The following TM9SF2 variants were observed in gnomAD, a reference collection of about 807,000 sequenced individuals.
The protein encoded by TM9SF2 is 76 kDa membrane protein.
TM9SF2 carries 13 observed loss-of-function variants against 84.9 expected under a neutral mutation model. The ratio of observed to expected loss-of-function variants is 0.15; its 90% CI spans 0.10 to 0.24. The LOEUF (loss-of-function observed/expected upper bound fraction) is 0.24, where lower values mean the gene tolerates loss of function less well. Among genes scored for constraint, TM9SF2 ranks in the 10% least tolerant of loss-of-function variants. The pLI is 1.00. For missense variants in TM9SF2, 562 were observed against 818.5 expected (o/e 0.69, Z 3.82); for synonymous variants, 273 against 285.8 (o/e 0.96, Z 0.45).
intron 12 of TM9SF2, among the ~76,000 whole-genome samples, chr13:99,550,145 T>C (rs2046299884): frequency 6.6e-6 from 1 of 152,200 alleles, no homozygotes; most frequent in African/African-American, 2.4e-5. Flanking sequence ...CTTCCATTGC[T>C]CCCTTCTCAC....
chr13:99,536,874 T>C, intron 5 of TM9SF2, 137 bp downstream of exon 5: 1 of 902,236 alleles, frequency 1.1e-6, no homozygotes, highest in South Asian at 1.9e-5. Context: ...TACTTCAATC[T>C]TAAACTTACA....
chr13:99,552,461 TAA>T, intron 13 of TM9SF2, 135 bp downstream of exon 13: 1 of 931,662 alleles, frequency 1.1e-6, no homozygotes, highest in Non-Finnish European at 1.6e-6. Context: ...AGAATATTTT[TAA>T]AATAGTAGTA....
chr13:99,545,331 A>T (rs984894545), intron 10 of TM9SF2, among the ~76,000 whole-genome samples: 2 of 152,018 alleles, frequency 1.3e-5, no homozygotes, highest in Non-Finnish European at 2.9e-5. Flanking sequence ...ACTGACTAGG[A>T]TATCTTTTTT....
At chr13:99,550,405 T>A (rs866323332) in intron 12 of TM9SF2, among the ~76,000 whole-genome samples, 1 of 152,226 alleles carries the variant, frequency 6.6e-6, no homozygotes, top group African/African-American at 2.4e-5. Context: ...AATGTTCCCA[T>A]TTTCAAATCC....
chr13:99,511,360 T>C (rs577587893), intron 1 of TM9SF2, among the ~76,000 whole-genome samples: 15 of 152,344 alleles, frequency 9.8e-5, no homozygotes, highest in Middle Eastern at 3.4e-3. Flanking sequence ...TGAAGCTCTT[T>C]ATTGAACTAT....
At chr13:99,502,700 T>C (rs1306179416) in intron 1 of TM9SF2, among the ~76,000 whole-genome samples, 2 of 152,238 alleles carry the variant, frequency 1.3e-5, no homozygotes, top group African/African-American at 4.8e-5. Context: ...GTTAAGTTTA[T>C]TTAAAACTTA....
In TM9SF2 at chr13:99,501,771, G is replaced by T. The variant is rs926049321; in HGVS notation, c.165G>T (p.Glu55Asp). 3 of 1,610,574 alleles carry T rather than the reference G, an allele frequency of 1.9e-6. No homozygotes were observed. Among genetic ancestry groups the T allele is most frequent in the Non-Finnish European group, 2.5e-6 (3 of 1,179,322 alleles). ...NFCDEEKKSDECKAEIELFVN... is the reference protein window; with the variant it reads ...NFCDEEKKSDDCKAEIELFVN... Reference sequence around the variant, plus strand: ...GCGACGAAGAAAAAAAGAGCGACGAGTGCAAGGTGGGTGAGGCCTGACGAG... The same window carrying T: ...GCGACGAAGAAAAAAAGAGCGACGATTGCAAGGTGGGTGAGGCCTGACGAG... The change falls in exon 1 of 17, where the codon GAG becomes GAT. Residue 55 changes from glutamate to aspartate, a missense_variant. Physicochemically the swap from Glu to Asp is conservative, Grantham distance 45 (BLOSUM62 2). This residue lies in a region of TM9SF2 where 267 missense variants were observed against 316.7 expected (regional missense o/e 0.84). Transcript: ENST00000376387.
At chr13:99,511,492 A>G (rs2046113682) in intron 1 of TM9SF2, among the ~76,000 whole-genome samples, 2 of 152,166 alleles carry the variant, frequency 1.3e-5, no homozygotes, top group Admixed American at 1.3e-4. Context: ...GCAAGAGTTG[A>G]TATTTAGAGT....
chr13:99,503,342 A>T (rs545515739), intron 1 of TM9SF2, among the ~76,000 whole-genome samples: 2 of 152,296 alleles, frequency 1.3e-5, no homozygotes, highest in African/African-American at 2.4e-5. Context: ...GTTACACAGG[A>T]TGATGTCCAA....
intron 15 of TM9SF2, among the ~76,000 whole-genome samples, chr13:99,556,870 G>A (rs996600875): frequency 1.3e-5 from 2 of 152,166 alleles, no homozygotes; most frequent in African/African-American, 4.8e-5. Context: ...ACAGACGTGA[G>A]CCACCGCGCC....
intron 4 of TM9SF2, among the ~76,000 whole-genome samples, 200 bp from the exon 5 acceptor site, chr13:99,536,408 C>A (rs1177353972): frequency 6.6e-6 from 1 of 150,886 alleles, no homozygotes; most frequent in Non-Finnish European, 1.5e-5. Context: ...GTAGTTTTTT[C>A]CATCACTGCA....
At chr13:99,541,497 A>G in intron 8 of TM9SF2, 62 bp from the exon 9 acceptor site, 1 of 1,239,978 alleles carries the variant, frequency 8.1e-7, no homozygotes, top group Non-Finnish European at 1.2e-6. Flanking sequence ...ACAGTTTTTA[A>G]AAGAGTTTTA....
intron 1 of TM9SF2, among the ~76,000 whole-genome samples, chr13:99,505,164 T>C (rs577525843): frequency 1.2e-3 from 183 of 151,854 alleles, no homozygotes; most frequent in Middle Eastern, 3.4e-3. Context: ...TTTTTTTTTT[T>C]TTTTTGAGAC....
chr13:99,559,222 A>G (rs2046335389), intron 15 of TM9SF2, 141 bp from the exon 16 acceptor site: 2 of 671,262 alleles, frequency 3.0e-6, no homozygotes, highest in South Asian at 6.1e-5. Flanking sequence ...GGTGAAGTTC[A>G]ATAGGAGAAA....
intron 3 of TM9SF2, among the ~76,000 whole-genome samples, chr13:99,526,662 G>A (rs574884300): frequency 6.6e-6 from 1 of 152,316 alleles, no homozygotes; most frequent in Admixed American, 6.5e-5. Context: ...CCAGAGGAGG[G>A]AGTGCTTTGA....
chr13:99,540,087 C>T (rs1054876851), intron 7 of TM9SF2, among the ~76,000 whole-genome samples: 1 of 151,848 alleles, frequency 6.6e-6, no homozygotes, highest in Non-Finnish European at 1.5e-5. Context: ...GAAGAGTTTC[C>T]GATTGGGAGA....
intron 15 of TM9SF2, among the ~76,000 whole-genome samples, chr13:99,556,409 C>A (rs758253145): frequency 2.6e-5 from 4 of 152,190 alleles, no homozygotes; most frequent in Non-Finnish European, 5.9e-5. Flanking sequence ...TTCCTCACTT[C>A]CCCCAGGCCT....
chr13:99,559,354 A>G lies in TM9SF2; in HGVS notation c.1753-9A>G. ...ATGTAATTCTTGTTCTTTTTTCTTT[A>G]CTACCTAGGATTATCATTGGCAATG... On this transcript the variant is annotated splice_polypyrimidine_tract_variant and intron_variant, in intron 15 of 16. Transcript: ENST00000376387. 1.3e-6 allele frequency: 2 copies of G among 1,562,022 alleles called. No individual in the cohort carries two copies. Among genetic ancestry groups the G allele is most frequent in the Non-Finnish European group, 1.7e-6 (2 of 1,155,940 alleles).
chr13:99,511,436 G>A (rs1017573992), intron 1 of TM9SF2, among the ~76,000 whole-genome samples: 3 of 152,152 alleles, frequency 2.0e-5, no homozygotes, highest in Admixed American at 2.0e-4. Flanking sequence ...TGACATATTA[G>A]GAGGATCTCA....
Sources: allele counts gnomAD v4.1 joint callset (sites outside exome capture counted in the v4.1 genomes callset), GRCh38; gene constraint gnomAD v4.1.1; regional missense constraint gnomAD v4.1.1; transcripts MANE v1.5; gene names NCBI Gene and HGNC (gene_info 2026-07-23, HGNC 2026-07-21).